TTLL2: variants seen among roughly 807,000 people sequenced by gnomAD.
TTLL2 encodes tubulin tyrosine ligase like 2, also known as probable tubulin polyglutamylase TTLL2.
Under a neutral mutation model 7.5 loss-of-function variants are expected in TTLL2, and 10 were observed. The ratio of observed to expected loss-of-function variants is 1.33; its 90% CI spans 0.82 to 2.25. The LOEUF is 2.25. TTLL2 is among the 30% of genes most tolerant of loss of function. TTLL2 has a pLI of 0.00. For synonymous variants in TTLL2, 284 were observed against 280.3 expected (o/e 1.01, Z -0.13); for missense variants, 733 against 735.7 (o/e 1.00, Z 0.04).
At chr6:167,331,965 T>C (rs1392265956) in intron 1 of TTLL2, among the ~76,000 whole-genome samples, 1 of 152,212 alleles carries the variant, frequency 6.6e-6, no homozygotes, top group Admixed American at 6.5e-5. Flanking sequence ...GATTCGTGAA[T>C]CATTCGTTGC....
intron 1 of TTLL2, among the ~76,000 whole-genome samples, chr6:167,331,060 G>A (rs559526250): frequency 2.2e-4 from 33 of 152,106 alleles, no homozygotes; most frequent in Non-Finnish European, 3.8e-4. Context: ...GCACAAGTTG[G>A]CTTTCTAAGA....
At chr6:167,328,452 C>T (rs1220256969) in intron 1 of TTLL2, 1 of 264,202 alleles carries the variant, frequency 3.8e-6, no homozygotes. Flanking sequence ...AATTGGGTCA[C>T]TCCTGGTCAT....
Position 167,341,009 on chromosome 6 carries a change from T to C in TTLL2, c.1109T>C (p.Phe370Ser), listed in dbSNP as rs761809509. 1.9e-6 allele frequency: 3 copies of C among 1,614,108 alleles called. No individual in the cohort carries two copies. Among genetic ancestry groups the C allele is most frequent in the Non-Finnish European group, 1.7e-6 (2 of 1,180,024 alleles). The change falls in exon 3 of 3, where the codon TTT becomes TCT. Residue 370 changes from phenylalanine to serine, a missense_variant. By Grantham distance (155) the Phe-to-Ser change is radical. Transcript: ENST00000239587. ...VPFAANCFEL[F>S]GFDILIDDNL... is the part of the protein sequence containing the mutation. Reference sequence around the variant, plus strand: ...TTTGCTGCCAATTGCTTTGAGCTCTTTGGGTTTGATATTTTGATTGATGAC... The same window carrying C: ...TTTGCTGCCAATTGCTTTGAGCTCTCTGGGTTTGATATTTTGATTGATGAC...
intron 1 of TTLL2, among the ~76,000 whole-genome samples, chr6:167,326,502 T>C (rs1270249584): frequency 1.3e-5 from 2 of 152,054 alleles, no homozygotes; most frequent in South Asian, 2.1e-4. Context: ...ACAGGCCAAG[T>C]GCTTGAGGGT....
chr6:167,338,960 CTCTT>C (rs1312909758), intron 2 of TTLL2, among the ~76,000 whole-genome samples, 157 bp downstream of exon 2: 1 of 147,764 alleles, frequency 6.8e-6, no homozygotes, highest in East Asian at 2.0e-4. Flanking sequence ...CCTGCTCTCC[CTCTT>C]TCTTTCTCTG....
At chr6:167,338,867 C>CCTTCCTTCCTTCCTTCCTTCCTTT (rs1201158018) in intron 2 of TTLL2, 64 bp downstream of exon 2, 2 of 1,459,774 alleles carry the variant, frequency 1.4e-6, no homozygotes, top group African/African-American at 2.9e-5. Context: ...TTCCTTCCTT[C>CCTTCCTTCCTTCCTTCCTTCCTTT]TTTCCTCCTT....
At position 167,341,154 on chromosome 6, in the gene TTLL2, T is replaced by C; in HGVS notation, c.1254T>C (p.Asn418=). Residue 418 remains asparagine, a synonymous_variant, in exon 3 of 3, where the codon AAT becomes AAC. Coordinates refer to ENST00000239587, the MANE Select transcript of TTLL2 (RefSeq NM_031949.5). ...VHDIIDLIYL[N]GLRNEGREAS... ...ATATTATTGACCTGATTTACTTAAA[T>C]GGTCTAAGAAATGAGGGGAGAGAAG... 2 of 1,613,862 alleles carry C rather than the reference T, an allele frequency of 1.2e-6. No individual in the cohort carries two copies. Among genetic ancestry groups the C allele is most frequent in the Non-Finnish European group, 1.7e-6 (2 of 1,179,986 alleles).
intron 1 of TTLL2, among the ~76,000 whole-genome samples, chr6:167,336,638 C>G (rs192040215): frequency 6.6e-6 from 1 of 152,050 alleles, no homozygotes; most frequent in Non-Finnish European, 1.5e-5. Context: ...AGAGTCCCTC[C>G]GAGACAAGAC....
In TTLL2 at chr6:167,340,832, A is replaced by C; in HGVS notation, c.932A>C (p.Lys311Thr). The C allele has an allele frequency of 6.2e-7, 1 of 1,614,198 alleles. No individual in the cohort carries two copies. The highest frequency in any genetic ancestry group is 8.5e-7 in the Non-Finnish European group (1 of 1,180,040). ...AATAAATCCGGGGCCTCTTATGAGA[A>C]GATCAAAGAAGTGATTGGTCATGGT... ...SINKSGASYE[K>T]IKEVIGHGCK... The change falls in exon 3 of 3, where the codon AAG (lysine) becomes ACG (threonine). Residue 311 changes from lysine to threonine, a missense_variant. By Grantham distance (78) the Lys-to-Thr change is moderately conservative. Coordinates refer to ENST00000239587, the MANE Select transcript of TTLL2 (RefSeq NM_031949.5).
At chr6:167,339,246 G>A (rs1158286672) in intron 2 of TTLL2, among the ~76,000 whole-genome samples, 1 of 152,056 alleles carries the variant, frequency 6.6e-6, no homozygotes, top group Non-Finnish European at 1.5e-5. Flanking sequence ...TGAAAATTTT[G>A]ATGAGCACGT....
chr6:167,327,049 A>G (rs1027704322), intron 1 of TTLL2, among the ~76,000 whole-genome samples: 2 of 152,136 alleles, frequency 1.3e-5, no homozygotes, highest in African/African-American at 4.8e-5. Context: ...AGGAAGGAAA[A>G]AAAAAGGAGG....
At chr6:167,330,430 G>T (rs892954657) in intron 1 of TTLL2, among the ~76,000 whole-genome samples, 2 of 152,068 alleles carry the variant, frequency 1.3e-5, no homozygotes, top group Admixed American at 1.3e-4. Flanking sequence ...GCGTGGTGGT[G>T]CCCACCTGTA....
Position 167,341,910 on chromosome 6 carries a change from G to C in TTLL2, c.*231G>C. 1.9e-6 allele frequency: 1 copy of C among 513,770 alleles called. No homozygotes were observed. The highest frequency in any genetic ancestry group is 3.0e-5 in the South Asian group (1 of 32,980). 31.8% of individuals were successfully genotyped at this position (513,770 alleles called of 1,614,324 possible). A position where few individuals can be genotyped will look rare whatever the true frequency, so the allele number is the denominator to read the frequency against. ...CCATGTTTATTTGCTCAGGTGTCTT[G>C]AAAGAATTCTACAAATACCACACAG... On this transcript the variant is annotated 3_prime_UTR_variant, in exon 3 of 3. Coordinates refer to ENST00000239587, the MANE Select transcript of TTLL2 (RefSeq NM_031949.5).
chr6:167,328,026 G>C (rs752779571), intron 1 of TTLL2: 1 of 456,248 alleles, frequency 2.2e-6, no homozygotes, highest in Non-Finnish European at 4.4e-6. Context: ...TGAAATTCCT[G>C]GTGTTGAATC....
chr6:167,329,769 G>A (rs1778896576), intron 1 of TTLL2, among the ~76,000 whole-genome samples: 1 of 152,036 alleles, frequency 6.6e-6, no homozygotes, highest in Non-Finnish European at 1.5e-5. Flanking sequence ...CAGACCCTGT[G>A]GTTTTATGTG....
At position 167,340,721 on chromosome 6, in the gene TTLL2, A is replaced by C. The variant is rs202147809; in HGVS notation, c.821A>C (p.Gln274Pro). The change falls in exon 3 of 3, where the codon CAG becomes CCG. Residue 274 changes from glutamine to proline, a missense_variant. Coordinates refer to ENST00000239587, the MANE Select transcript of TTLL2 (RefSeq NM_031949.5). The stretch of plus-strand genomic sequence containing the variant: ...AAGCCTTTGACCATTTATGTTTATC[A>C]GGAAGGGTTGGTTCGGTTTGCCACG... Reference protein sequence around the residue: ...GFKPLTIYVYQEGLVRFATEK... With the variant: ...GFKPLTIYVYPEGLVRFATEK... 1.7e-4 allele frequency: 269 copies of C among 1,614,190 alleles called. No individual in the cohort carries two copies. The highest frequency in any genetic ancestry group is 1.0e-3 in the East Asian group (47 of 44,890).
At position 167,325,213 on chromosome 6, in the gene TTLL2, G is replaced by C. The variant is rs748372429; in HGVS notation, c.40G>C (p.Ala14Pro). ...CCTGTGTTCCTCCACACAAAGCCAGGCGCTGGGGTAAGCGTAGGAGGCGAC... is the reference window on the plus strand; with the variant it reads ...CCTGTGTTCCTCCACACAAAGCCAGCCGCTGGGGTAAGCGTAGGAGGCGAC... ...RDLCSSTQSQ[A>P]LGSLRTTTPA... Residue 14 changes from alanine to proline, a missense_variant, in exon 1 of 3, where the codon GCG becomes CCG. Ala to Pro is a conservative substitution (Grantham distance 27, BLOSUM62 -1). Transcript: ENST00000239587. 2 of 1,573,172 alleles carry C rather than the reference G, an allele frequency of 1.3e-6. No homozygotes were observed. Among genetic ancestry groups the C allele is most frequent in the Non-Finnish European group, 1.7e-6 (2 of 1,160,088 alleles).
In TTLL2 at chr6:167,342,544, G is replaced by A. The variant is rs1192434404; in HGVS notation, c.*865G>A. On this transcript the variant is annotated 3_prime_UTR_variant, in exon 3 of 3. Transcript: ENST00000239587. ...GGTAATGAGGAGTGCCTACTGATGG[G>A]TAGGGGGCTTCCCTTTGGGGTGACA... 6.6e-6 allele frequency among the ~76,000 whole-genome samples: 1 copy of A among 152,316 alleles called. No homozygotes were observed. Among genetic ancestry groups the A allele is most frequent in the East Asian group, 1.9e-4 (1 of 5,190 alleles).
intron 1 of TTLL2, among the ~76,000 whole-genome samples, chr6:167,327,209 T>C (rs1778857444): frequency 6.6e-6 from 1 of 152,158 alleles, no homozygotes; most frequent in Admixed American, 6.5e-5. Flanking sequence ...GAAATAAACA[T>C]AGGACAGAGG....
Sources: gnomAD v4.1 joint callset for allele counts (sites outside exome capture counted in the v4.1 genomes callset) on GRCh38, gnomAD v4.1.1 for gene constraint, MANE v1.5 for transcripts, NCBI Gene and HGNC (gene_info 2026-07-23, HGNC 2026-07-21) for gene names.